RSF1: variants seen among roughly 807,000 people sequenced by gnomAD.
The protein encoded by RSF1 is HBV pX-associated protein 8.
In RSF1, 13 loss-of-function variants were observed where a neutral mutation model predicts 145.2. The ratio of observed to expected loss-of-function variants is 0.09; its 90% CI spans 0.06 to 0.14. RSF1 has a LOEUF of 0.14. RSF1 is among the 10% of genes least tolerant of loss of function. The pLI, the probability that RSF1 is intolerant of heterozygous loss-of-function variation, is 1.00. For synonymous variants in RSF1, 577 were observed against 592.6 expected, an observed-to-expected ratio of 0.97 and a Z score of 0.38; for missense variants, 1,517 against 1,718.2, an observed-to-expected ratio of 0.88 and a Z score of 2.07.
chr11:77,704,711 C>A (rs1025181884), intron 5 of RSF1, among the ~76,000 whole-genome samples: 1 of 150,170 alleles, frequency 6.7e-6, no homozygotes, highest in Non-Finnish European at 1.5e-5. Context: ...TTCTTTTATT[C>A]TAAAAATGTT....
At chr11:77,821,054 G>A (rs1948873795), upstream of RSF1, 1 of 493,076 alleles carries the variant, frequency 2.0e-6, no homozygotes, top group Non-Finnish European at 3.6e-6. Flanking sequence ...GAAGCGGGAG[G>A]GGCGGGACTT....
intron 5 of RSF1, among the ~76,000 whole-genome samples, chr11:77,716,390 GA>G (rs1960810081): frequency 6.6e-6 from 1 of 152,168 alleles, no homozygotes. Context: ...TTAACAGATA[GA>G]AGGATAAAGA....
chr11:77,706,236 T>C (rs1960546634), intron 5 of RSF1, among the ~76,000 whole-genome samples: 2 of 131,716 alleles, frequency 1.5e-5, no homozygotes, highest in African/African-American at 3.0e-5. Context: ...TGAGACTCTG[T>C]CTCCAAAAAA....
Position 77,663,821 on chromosome 11 carries a change from T to C in RSF1, c.*3096A>G, listed in dbSNP as rs569134452. 2.0e-5 allele frequency: 3 copies of C among 152,346 alleles called. No individual in the cohort carries two copies. Among genetic ancestry groups the C allele is most frequent in the South Asian group, 4.1e-4 (2 of 4,834 alleles). 9.4% of individuals were successfully genotyped at this position (152,346 alleles called of 1,614,324 possible). ...ACTAGTTTTCAAACCTTTTCAGAAA[T>C]TGCAAACTAAATATACTGAATATTA... On this transcript the variant is annotated 3_prime_UTR_variant, in exon 16 of 16. Transcript: ENST00000308488.
intron 6 of RSF1, 142 bp from the exon 7 acceptor site, chr11:77,698,835 T>TA: frequency 1.5e-6 from 1 of 680,660 alleles, no homozygotes; most frequent in Non-Finnish European, 2.4e-6. Context: ...CATCATCAGA[T>TA]ATAGCTATGG....
At chr11:77,787,120 C>T (rs1351244313) in intron 1 of RSF1, among the ~76,000 whole-genome samples, 3 of 152,132 alleles carry the variant, frequency 2.0e-5, no homozygotes, top group African/African-American at 7.2e-5. Context: ...CTGAGCAGGG[C>T]ATGTACCCGG....
intron 2 of RSF1, among the ~76,000 whole-genome samples, chr11:77,754,369 A>C (rs1271785582): frequency 6.6e-6 from 1 of 152,156 alleles, no homozygotes; most frequent in Non-Finnish European, 1.5e-5. Context: ...TGGGAGGCTG[A>C]GGTAGGAGGA....
At chr11:77,803,107 G>C (rs1394827713) in intron 1 of RSF1, among the ~76,000 whole-genome samples, 1 of 152,140 alleles carries the variant, frequency 6.6e-6, no homozygotes, top group East Asian at 1.9e-4. Flanking sequence ...TTTATGCCAC[G>C]TAGTTTCAGC....
chr11:77,669,218 T>C (rs1959455225), intron 15 of RSF1, among the ~76,000 whole-genome samples: 1 of 152,228 alleles, frequency 6.6e-6, no homozygotes, highest in African/African-American at 2.4e-5. Flanking sequence ...CCTTTACTGC[T>C]ACTGACCCAG....
chr11:77,774,617 T>TAAATAAAA (rs1565176438), intron 1 of RSF1, among the ~76,000 whole-genome samples: 2 of 120,432 alleles, frequency 1.7e-5, no homozygotes, highest in Admixed American at 8.5e-5. Flanking sequence ...AATAAATAAA[T>TAAATAAAA]AAAATAAAGA....
chr11:77,848,795 T>C, the RSF1 span, among the ~76,000 whole-genome samples: 1 of 152,070 alleles, frequency 6.6e-6, no homozygotes, highest in Non-Finnish European at 1.5e-5. Context: ...CTACTACATA[T>C]TGTTATCCTC....
chr11:77,725,709 G>GA lies in RSF1; in HGVS notation c.579-11dup, dbSNP rs1186842741. 2.6e-6 allele frequency: 4 copies of GA among 1,555,062 alleles called. No individual in the cohort carries two copies. Among genetic ancestry groups the GA allele is most frequent in the South Asian group, 1.2e-5 (1 of 80,180 alleles). ...CAACTCGTTTCGATTTCTAAACAAG[G>GA]AAAAAAATAAGACAGCATAAAAACC... On this transcript the variant is annotated splice_polypyrimidine_tract_variant and intron_variant, in intron 4 of 15. Coordinates refer to ENST00000308488, the MANE Select transcript of RSF1 (RefSeq NM_016578.4).
the RSF1 span, among the ~76,000 whole-genome samples, chr11:77,836,275 C>T: frequency 6.6e-6 from 1 of 152,078 alleles, no homozygotes; most frequent in South Asian, 2.1e-4. Flanking sequence ...ACCCCAAAAA[C>T]GACTGTAGTT....
intron 6 of RSF1, among the ~76,000 whole-genome samples, chr11:77,700,136 A>G (rs7124753): frequency 0.18 from 27,389 of 151,942 alleles, 3,133 homozygotes; most frequent in African/African-American, 0.31. Context: ...ACGGATCACC[A>G]GGTCAAGAGA....
At position 77,768,654 on chromosome 11, in the gene RSF1, T is replaced by C. The variant is rs1018381174; in HGVS notation, c.188-3965A>G. On this transcript the variant is annotated intron_variant, in intron 1 of 15. Transcript: ENST00000308488. Reference sequence around the variant, plus strand: ...AGCACTGCATAGTGTAGACCCAGCATGCTTAAAATTAAAATTTATAACCCA... The same window carrying C: ...AGCACTGCATAGTGTAGACCCAGCACGCTTAAAATTAAAATTTATAACCCA... Among the ~76,000 whole-genome samples the C allele has an allele frequency of 1.2e-4, 19 of 152,286 alleles. No individual in the cohort carries two copies. In the East Asian group the frequency reaches 3.7e-3, roughly 29 times the overall value.
At chr11:77,750,307 G>A (rs1422659388) in intron 2 of RSF1, among the ~76,000 whole-genome samples, 1 of 152,112 alleles carries the variant, frequency 6.6e-6, no homozygotes, top group Non-Finnish European at 1.5e-5. Context: ...GGCACTATAG[G>A]CCATAGAGTC....
chr11:77,817,005 T>C (rs1377058744), intron 1 of RSF1, among the ~76,000 whole-genome samples: 1 of 152,240 alleles, frequency 6.6e-6, no homozygotes, highest in Non-Finnish European at 1.5e-5. Context: ...AATCTCTCTC[T>C]GTAGCTTGAT....
rs189339167 is a variant in RSF1, at chr11:77,706,225, G to C, written c.734-3730C>G. 1.3e-4 allele frequency among the ~76,000 whole-genome samples: 19 copies of C among 142,768 alleles called. No individual in the cohort carries two copies. In the East Asian group the frequency reaches 3.7e-3, roughly 28 times the overall value. The allele number at this position is 142,768 out of a possible 152,430, so 93.7% of individuals were successfully genotyped here. A position where few individuals can be genotyped will look rare whatever the true frequency, so the allele number is the denominator to read the frequency against. On this transcript the variant is annotated intron_variant, in intron 5 of 15. Coordinates refer to ENST00000308488, the MANE Select transcript of RSF1 (RefSeq NM_016578.4). Reference sequence around the variant, plus strand: ...CACTGCACTCCAGCCTGGCGACAGAGTGAGACTCTGTCTCCAAAAAAAAAA... The same window carrying C: ...CACTGCACTCCAGCCTGGCGACAGACTGAGACTCTGTCTCCAAAAAAAAAA...
At chr11:77,836,297 C>CT in the RSF1 span, among the ~76,000 whole-genome samples, 1 of 152,058 alleles carries the variant, frequency 6.6e-6, no homozygotes, top group Non-Finnish European at 1.5e-5. Flanking sequence ...GAGATAGGGT[C>CT]TTCAAGGAGG....
Sources: allele counts gnomAD v4.1 joint callset (sites outside exome capture counted in the v4.1 genomes callset), GRCh38; gene constraint gnomAD v4.1.1; transcripts MANE v1.5; gene names NCBI Gene and HGNC (gene_info 2026-07-23, HGNC 2026-07-21).